Variants in KLF16 observed in about 807,000 individuals in gnomAD.
The protein encoded by KLF16 is KLF transcription factor 16.
KLF16 carries 6 observed loss-of-function variants against 6.1 expected under a neutral mutation model. That is an observed-to-expected ratio of 0.98 (90% CI 0.54 to 1.93). The LOEUF is 1.93. KLF16 is among the 30% of genes most tolerant of loss of function. KLF16 has a pLI of 0.01. For synonymous variants in KLF16, 211 were observed against 176.5 expected, an observed-to-expected ratio of 1.20 and a Z score of -1.55; for missense variants, 355 against 363.8, an observed-to-expected ratio of 0.98 and a Z score of 0.20.
chr19:1,874,492 GA>G, the KLF16 span, among the ~76,000 whole-genome samples: 10 of 148,640 alleles, frequency 6.7e-5, no homozygotes, highest in African/African-American at 2.5e-4. Flanking sequence ...AATATATGGG[GA>G]AAAAAAAACC....
chr19:1,865,358 C>T (rs545535197), upstream of KLF16, among the ~76,000 whole-genome samples: 1 of 152,004 alleles, frequency 6.6e-6, no homozygotes, highest in South Asian at 2.1e-4. Context: ...TTGGGCAGGT[C>T]CCCCAGGTCC....
upstream of KLF16, chr19:1,863,612 G>GGCGC (rs2012123109): frequency 3.2e-6 from 1 of 311,092 alleles, no homozygotes; most frequent in African/African-American, 2.5e-5. Flanking sequence ...GAGGAGGCCC[G>GGCGC]GCGCGCGCCG....
chr19:1,864,123 G>T (rs1049619908), upstream of KLF16, among the ~76,000 whole-genome samples: 2 of 145,296 alleles, frequency 1.4e-5, no homozygotes, highest in African/African-American at 5.1e-5. Context: ...CCCCACGCCG[G>T]GGCGCGCGGC....
In KLF16 at chr19:1,863,314, G is replaced by T; in HGVS notation, c.184C>A (p.Pro62Thr). Residue 62 changes from proline (P) to threonine (T), a missense_variant, in exon 1 of 2, where the codon CCC (proline) becomes ACC (threonine). By Grantham distance (38) the Pro-to-Thr change is conservative (BLOSUM62 -1). Transcript: ENST00000250916. The stretch of plus-strand genomic sequence containing the variant: ...GGGCCCGGGCCAGAAGCGGCGGGGG[G>T]CGGCGGGGGTGGCCCCGGGGTCCCG... Reference protein sequence around the residue: ...SPGTPGPPPPPPAASGPGPGA... With the variant: ...SPGTPGPPPPTPAASGPGPGA... 10 of 981,932 alleles carry T rather than the reference G, an allele frequency of 1.0e-5. No individual in the cohort carries two copies. Among genetic ancestry groups the T allele is most frequent in the Non-Finnish European group, 1.1e-5 (9 of 829,236 alleles). The allele number at this position is 981,932 out of a possible 1,614,324, so 60.8% of individuals were successfully genotyped here. A position where few individuals can be genotyped will look rare whatever the true frequency, so the allele number is the denominator to read the frequency against.
Position 1,854,357 on chromosome 19 carries a change from G to A in KLF16, c.*102C>T. 3 of 1,324,168 alleles carry A rather than the reference G, an allele frequency of 2.3e-6. No individual in the cohort carries two copies. The highest frequency in any genetic ancestry group is 2.9e-6 in the Non-Finnish European group (3 of 1,034,530). 82.0% of individuals were successfully genotyped at this position (1,324,168 alleles called of 1,614,324 possible). ...TGGAGGGGGGCAGGGGTGTCTTCAG[G>A]GTTTGCCCACGGCTGGAAGGGGCCC... On this transcript the variant is annotated 3_prime_UTR_variant, in exon 2 of 2. Coordinates refer to ENST00000250916, the MANE Select transcript of KLF16 (RefSeq NM_031918.4).
At chr19:1,868,806 A>G in the KLF16 span, among the ~76,000 whole-genome samples, 1 of 151,970 alleles carries the variant, frequency 6.6e-6, no homozygotes, top group Non-Finnish European at 1.5e-5. Flanking sequence ...CCATGCCCAG[A>G]TAATTTTTGT....
At chr19:1,873,142 T>G in the KLF16 span, among the ~76,000 whole-genome samples, 5 of 152,312 alleles carry the variant, frequency 3.3e-5, no homozygotes, top group East Asian at 9.7e-4. Flanking sequence ...CCTCAGGTCA[T>G]GCAGAACAGA....
chr19:1,874,777 AC>A, the KLF16 span: 11 of 117,712 alleles, frequency 9.3e-5, no homozygotes, highest in Admixed American at 3.0e-4. Context: ...AAAAAAAAAA[AC>A]ACTTCTACTA....
chr19:1,872,147 T>A, the KLF16 span, among the ~76,000 whole-genome samples: 1 of 152,084 alleles, frequency 6.6e-6, no homozygotes, highest in Non-Finnish European at 1.5e-5. Flanking sequence ...CGTTGTTTTT[T>A]TAAGATGGAG....
chr19:1,863,163 G>T lies in KLF16; in HGVS notation c.335C>A (p.Ser112Ter), dbSNP rs1249927191. Reference sequence around the variant, plus strand: ...GGGCGCGGCGCCGGGGGCGCGGCCCGAGGACGGGGACGAGGCGGCTGAGGA... The same window carrying T: ...GGGCGCGGCGCCGGGGGCGCGGCCCTAGGACGGGGACGAGGCGGCTGAGGA... The part of the protein sequence containing the change: ...SSSSAASSPS[S>*]GRAPGAAPSA... Residue 112 changes from serine (S) to a stop codon, truncating the protein, a stop_gained, in exon 1 of 2, where the codon TCG becomes TAG. Transcript: ENST00000250916. LOFTEE classifies it high-confidence loss of function. The T allele has an allele frequency of 7.8e-7, 1 of 1,283,410 alleles. No individual in the cohort carries two copies. 79.5% of individuals were successfully genotyped at this position (1,283,410 alleles called of 1,614,324 possible). A position where few individuals can be genotyped will look rare whatever the true frequency, so the allele number is the denominator to read the frequency against.
At chr19:1,864,358 T>C (rs1332442330), upstream of KLF16, among the ~76,000 whole-genome samples, 2 of 152,102 alleles carry the variant, frequency 1.3e-5, no homozygotes, top group African/African-American at 4.8e-5. Context: ...TTCTCTGGGG[T>C]TCCCCCTCGC....
chr19:1,862,309 C>G (rs2012082069), intron 1 of KLF16, among the ~76,000 whole-genome samples: 1 of 152,166 alleles, frequency 6.6e-6, no homozygotes, highest in African/African-American at 2.4e-5. Context: ...TTGGTGTAGC[C>G]GAAGCGCTCC....
chr19:1,855,238 T>C (rs1251372427), intron 1 of KLF16, among the ~76,000 whole-genome samples: 1 of 152,204 alleles, frequency 6.6e-6, no homozygotes, highest in East Asian at 1.9e-4. Context: ...ATCCCCTCCT[T>C]TTCCAAATGA....
chr19:1,858,876 C>G (rs1429527122), intron 1 of KLF16, among the ~76,000 whole-genome samples: 3 of 152,170 alleles, frequency 2.0e-5, no homozygotes, highest in South Asian at 2.1e-4. Flanking sequence ...ACAGCTCACC[C>G]TGCTGGTATC....
At chr19:1,855,896 T>C (rs1234626498) in intron 1 of KLF16, among the ~76,000 whole-genome samples, 3 of 152,084 alleles carry the variant, frequency 2.0e-5, no homozygotes, top group African/African-American at 4.8e-5. Flanking sequence ...CCAGGGTGGG[T>C]TGTGTGGATG....
chr19:1,873,988 C>T, the KLF16 span, among the ~76,000 whole-genome samples: 6 of 152,250 alleles, frequency 3.9e-5, no homozygotes, highest in South Asian at 2.1e-4. Context: ...GCATCGCGCA[C>T]CGTGAATATC....
intron 1 of KLF16, 92 bp downstream of exon 1, chr19:1,862,949 G>T: frequency 3.9e-6 from 3 of 761,208 alleles, no homozygotes; most frequent in Non-Finnish European, 5.0e-6. Flanking sequence ...CCCCCTCCCC[G>T]CCCCCCACGC....
At chr19:1,863,977 C>A (rs1465825331), upstream of KLF16, among the ~76,000 whole-genome samples, 3 of 145,794 alleles carry the variant, frequency 2.1e-5, no homozygotes, top group Non-Finnish European at 4.6e-5. Context: ...CGGAGCACCA[C>A]CCCCTCAAGC....
rs946961126 is a variant in KLF16 at position 1,856,950 on chromosome 19, C to CGGGGGGGGGGGG, written c.458-2191_458-2190insCCCCCCCCCCCC. On this transcript the variant is annotated intron_variant, in intron 1 of 1. Coordinates refer to ENST00000250916, the MANE Select transcript of KLF16 (RefSeq NM_031918.4). ...CACTTTGCAAGGAGGAGCAGGTTGCCGGGGTGGGGGGGGCGACCGGGGCAG... is the reference window on the plus strand; with the variant it reads ...CACTTTGCAAGGAGGAGCAGGTTGCCGGGGGGGGGGGGGGGGTGGGGGGGGCGACCGGGGCAG... 2.3e-4 allele frequency among the ~76,000 whole-genome samples: 10 copies of CGGGGGGGGGGGG among 43,236 alleles called. 2 individuals carry two copies. The highest frequency in any genetic ancestry group is 1.6e-3 in the Admixed American group (6 of 3,818). The allele number at this position is 43,236 out of a possible 152,430, so 28.4% of individuals were successfully genotyped here.
Sources: allele counts gnomAD v4.1 joint callset (sites outside exome capture counted in the v4.1 genomes callset), GRCh38; gene constraint gnomAD v4.1.1; transcripts MANE v1.5; gene names NCBI Gene and HGNC (gene_info 2026-07-23, HGNC 2026-07-21).